STK32B: variants seen among roughly 807,000 people sequenced by gnomAD.
The protein encoded by STK32B is serine/threonine-protein kinase 32B.
Under a neutral mutation model 52.6 loss-of-function variants are expected in STK32B, and 43 were observed. The observed-to-expected ratio is 0.82, with a 90% confidence interval of 0.64 to 1.05. The LOEUF (loss-of-function observed/expected upper bound fraction) is 1.05. Among genes scored for constraint, STK32B ranks in the 50% least tolerant of loss-of-function variants. STK32B has a pLI of 0.00. For missense variants in STK32B, 621 were observed against 534.6 expected, an observed-to-expected ratio of 1.16 and a Z score of -1.59; for synonymous variants, 238 against 204.3, an observed-to-expected ratio of 1.17 and a Z score of -1.41.
intron 1 of STK32B, among the ~76,000 whole-genome samples, chr4:5,119,777 T>C (rs1018950647): frequency 6.6e-6 from 1 of 152,270 alleles, no homozygotes; most frequent in South Asian, 2.1e-4. Context: ...AAATTTCACA[T>C]GCTTTCGTAT....
chr4:5,183,556 G>A (rs4501161), intron 3 of STK32B, among the ~76,000 whole-genome samples: 3,618 of 152,172 alleles, frequency 0.024, 75 homozygotes, highest in Middle Eastern at 0.048. Flanking sequence ...GTCCTAGATG[G>A]CATCTACCTC....
chr4:5,344,896 G>T (rs117370653), intron 4 of STK32B, among the ~76,000 whole-genome samples: 1,586 of 152,130 alleles, frequency 0.01, 26 homozygotes, highest in East Asian at 0.075. Flanking sequence ...AGACCAGCCT[G>T]GGCAACATGG....
chr4:5,457,130 T>G (rs1239256737), intron 8 of STK32B, among the ~76,000 whole-genome samples: 1 of 151,882 alleles, frequency 6.6e-6, no homozygotes, highest in Non-Finnish European at 1.5e-5. Flanking sequence ...CTGTGGCGGC[T>G]CTGACCGCAA....
intron 4 of STK32B, among the ~76,000 whole-genome samples, chr4:5,347,896 C>T (rs968997142): frequency 5.9e-5 from 9 of 152,180 alleles, no homozygotes; most frequent in African/African-American, 2.2e-4. Flanking sequence ...AACTATGAGT[C>T]AATTAAGCCT....
chr4:5,110,700 G>C (rs915622280), intron 1 of STK32B, among the ~76,000 whole-genome samples: 2 of 151,814 alleles, frequency 1.3e-5, no homozygotes, highest in African/African-American at 2.4e-5. Context: ...CATCAGCCTA[G>C]GCAAATAATT....
chr4:5,449,540 G>C (rs1715784613), intron 7 of STK32B, among the ~76,000 whole-genome samples: 1 of 152,210 alleles, frequency 6.6e-6, no homozygotes, highest in Non-Finnish European at 1.5e-5. Flanking sequence ...TGGCAGGTTT[G>C]AGACCACAGT....
At chr4:5,277,433 TAGTC>T (rs1380689730) in intron 3 of STK32B, among the ~76,000 whole-genome samples, 1 of 152,168 alleles carries the variant, frequency 6.6e-6, no homozygotes, top group African/African-American at 2.4e-5. Flanking sequence ...TAGAGCATGA[TAGTC>T]AGACAGTAGC....
chr4:5,262,328 T>A (rs1726762441), intron 3 of STK32B, among the ~76,000 whole-genome samples: 1 of 152,026 alleles, frequency 6.6e-6, no homozygotes, highest in African/African-American at 2.4e-5. Context: ...TACACAGCCA[T>A]TAAAAATGGC....
intron 3 of STK32B, among the ~76,000 whole-genome samples, chr4:5,313,376 A>T (rs1038410503): frequency 3.9e-5 from 6 of 152,016 alleles, no homozygotes; most frequent in African/African-American, 1.4e-4. Context: ...AACTAGAAAA[A>T]GAGGGTAACT....
intron 2 of STK32B, among the ~76,000 whole-genome samples, chr4:5,154,603 C>G (rs1290217292): frequency 1.3e-5 from 2 of 152,186 alleles, no homozygotes; most frequent in Non-Finnish European, 2.9e-5. Context: ...CATGGAGGAA[C>G]ATGCCAGGGA....
At chr4:5,170,178 G>A (rs1486210278) in intron 3 of STK32B, among the ~76,000 whole-genome samples, 1 of 152,152 alleles carries the variant, frequency 6.6e-6, no homozygotes. Context: ...CTCTGAACCT[G>A]AAGTTTTTCA....
chr4:5,436,441 T>G (rs955283403), intron 6 of STK32B, among the ~76,000 whole-genome samples: 1 of 152,152 alleles, frequency 6.6e-6, no homozygotes, highest in South Asian at 2.1e-4. Flanking sequence ...GAACACAGTT[T>G]ATGAAACAGC....
At chr4:5,452,818 C>T (rs11731730) in intron 7 of STK32B, among the ~76,000 whole-genome samples, 54,827 of 151,694 alleles carry the variant, frequency 0.36, 10,589 homozygotes, top group Non-Finnish European at 0.41. Context: ...TAGAGACATA[C>T]CCACACTCCA....
chr4:5,367,321 G>A (rs1245900546), intron 4 of STK32B, among the ~76,000 whole-genome samples: 7 of 152,186 alleles, frequency 4.6e-5, no homozygotes, highest in East Asian at 1.9e-4. Context: ...ATGCTTAAAT[G>A]TGTGGTTGCA....
intron 1 of STK32B, chr4:5,139,599 G>T (rs765027261): frequency 2.6e-6 from 1 of 377,696 alleles, no homozygotes; most frequent in Non-Finnish European, 4.9e-6. Context: ...GACCTGTCTT[G>T]GTGTAGGGAA....
rs78619051 is a variant in STK32B, at chr4:5,338,990, A to G, written c.434+7597A>G. ...TGCATGAAGCAGATGGCCCTCCCCA[A>G]TGTCGTGGGCATCAACGATTCCTCT... On this transcript the variant is annotated intron_variant, in intron 4 of 11. Coordinates refer to ENST00000282908, the MANE Select transcript of STK32B (RefSeq NM_018401.3). Among the ~76,000 whole-genome samples the G allele has an allele frequency of 8.2e-3, 1,252 of 152,286 alleles. 12 individuals are homozygous for G. Among genetic ancestry groups the G allele is most frequent in the African/African-American group, 0.029 (1,189 of 41,564 alleles).
chr4:5,256,665 G>A (rs1330622512), intron 3 of STK32B, among the ~76,000 whole-genome samples: 3 of 152,152 alleles, frequency 2.0e-5, no homozygotes, highest in Non-Finnish European at 2.9e-5. Context: ...TGTCCCCTGC[G>A]AAGTCTTCTC....
In STK32B at chr4:5,466,859, C is replaced by T. The variant is rs749438891; in HGVS notation, c.1041+25C>T. On this transcript the variant is annotated intron_variant, in intron 10 of 11. Transcript: ENST00000282908. Reference sequence around the variant, plus strand: ...GGTGAGTGCTTCGTGGGAGCCGTTCCGGGAGAGAAATCCTGTGCTCATAGG... The same window carrying T: ...GGTGAGTGCTTCGTGGGAGCCGTTCTGGGAGAGAAATCCTGTGCTCATAGG... The T allele has an allele frequency of 2.8e-5, 45 of 1,606,914 alleles. 1 individual carries two copies. The East Asian group carries it at 2.9e-4, about 10-fold the overall frequency.
intron 7 of STK32B, among the ~76,000 whole-genome samples, chr4:5,450,275 T>TGACTACTGCCTCTCC (rs1318062844): frequency 6.6e-6 from 1 of 152,204 alleles, no homozygotes; most frequent in African/African-American, 2.4e-5. Flanking sequence ...CCTGGCACTC[T>TGACTACTGCCTCTCC]GACTACTGCC....
Sources: gnomAD v4.1 joint callset for allele counts (sites outside exome capture counted in the v4.1 genomes callset) on GRCh38, gnomAD v4.1.1 for gene constraint, MANE v1.5 for transcripts, NCBI Gene and HGNC (gene_info 2026-07-23, HGNC 2026-07-21) for gene names.